FAM83G: variants seen among roughly 807,000 people sequenced by gnomAD.
FAM83G encodes the protein protein FAM83G.
FAM83G carries 38 observed loss-of-function variants against 61.5 expected under a neutral mutation model. That is an observed-to-expected ratio of 0.62 (90% CI 0.48 to 0.81). The LOEUF (loss-of-function observed/expected upper bound fraction) is 0.81. FAM83G is among the 30% of genes least tolerant of loss of function. The pLI is 0.00. For missense variants in FAM83G, 989 were observed against 1,133.6 expected (o/e 0.87, Z 1.83); for synonymous variants, 470 against 476.1 (o/e 0.99, Z 0.17).
chr17:18,998,488 C>A (rs757594569), intron 2 of FAM83G, among the ~76,000 whole-genome samples: 4 of 152,210 alleles, frequency 2.6e-5, no homozygotes, highest in East Asian at 1.9e-4. Flanking sequence ...AGGCCCCAGC[C>A]GACTCTGAGC....
chr17:18,990,726 A>G (rs1336126047), intron 2 of FAM83G, among the ~76,000 whole-genome samples: 1 of 152,218 alleles, frequency 6.6e-6, no homozygotes, highest in Admixed American at 6.5e-5. Flanking sequence ...CATTGGGTTC[A>G]GTGCCTAGGG....
chr17:19,003,107 C>T lies in FAM83G; in HGVS notation c.522+413G>A, dbSNP rs2043772732. Among the ~76,000 whole-genome samples the T allele has an allele frequency of 6.6e-6, 1 of 152,060 alleles. No homozygotes were observed. The highest frequency in any genetic ancestry group is 2.4e-5 in the African/African-American group (1 of 41,408). Reference sequence around the variant, plus strand: ...GGACCATGCCTATTCCCTCACCCCACAACAAAAGCTCTCCCCACCAGAGAG... The same window carrying T: ...GGACCATGCCTATTCCCTCACCCCATAACAAAAGCTCTCCCCACCAGAGAG... On this transcript the variant is annotated intron_variant, in intron 2 of 5. Coordinates refer to ENST00000388995, the MANE Select transcript of FAM83G (RefSeq NM_001039999.3). The surrounding 1 kb of genome is among the most constrained non-coding windows in gnomAD (Gnocchi z 4.5).
At position 18,972,493 on chromosome 17, in the gene FAM83G, G is replaced by A. The variant is rs191618591; in HGVS notation, c.2083-745C>T. The stretch of plus-strand genomic sequence containing the variant: ...GTGGAGTGACTTTTCCGTGGTTCCC[G>A]ACTCTGCTCTTCCTCTCCCAAGCAG... On this transcript the variant is annotated intron_variant, in intron 5 of 5. Coordinates refer to ENST00000388995, the MANE Select transcript of FAM83G (RefSeq NM_001039999.3). 3.2e-3 allele frequency among the ~76,000 whole-genome samples: 480 copies of A among 152,260 alleles called. 3 individuals are homozygous for A. Among genetic ancestry groups the A allele is most frequent in the Non-Finnish European group, 5.4e-3 (370 of 68,008 alleles).
chr17:18,991,695 AC>A (rs1390722773), intron 2 of FAM83G, among the ~76,000 whole-genome samples: 1 of 152,086 alleles, frequency 6.6e-6, no homozygotes, highest in Non-Finnish European at 1.5e-5. Context: ...TGTGTCCTGC[AC>A]CCCAGGTACC....
At chr17:18,992,518 G>A (rs886684584) in intron 2 of FAM83G, among the ~76,000 whole-genome samples, 1 of 152,240 alleles carries the variant, frequency 6.6e-6, no homozygotes, top group Non-Finnish European at 1.5e-5. Context: ...CTGGCTGCTG[G>A]CGTTGGGGGT....
chr17:18,982,946 T>C (rs1045220244), intron 3 of FAM83G, among the ~76,000 whole-genome samples: 3 of 152,250 alleles, frequency 2.0e-5, no homozygotes, highest in East Asian at 3.8e-4. Context: ...GAGGACTGAA[T>C]AGAGCCACAG....
intron 5 of FAM83G, chr17:18,976,187 C>CAAAAAAAAAAAAAAT (rs58133737): frequency 9.2e-6 from 1 of 108,466 alleles, no homozygotes; most frequent in African/African-American, 3.5e-5. Flanking sequence ...GACTCCGACT[C>CAAAAAAAAAAAAAAT]AAAAAAAAAG....
At chr17:18,984,803 G>T (rs1182378937) in intron 3 of FAM83G, among the ~76,000 whole-genome samples, 2 of 152,246 alleles carry the variant, frequency 1.3e-5, no homozygotes, top group Non-Finnish European at 2.9e-5. Context: ...GAGGGTGTCA[G>T]TGAAAGTTCT....
chr17:18,996,220 A>G lies in FAM83G; in HGVS notation c.522+7300T>C, dbSNP rs543417735. Among the ~76,000 whole-genome samples, 1 of 151,612 alleles carries G rather than the reference A, an allele frequency of 6.6e-6. No individual in the cohort carries two copies. Among genetic ancestry groups the G allele is most frequent in the East Asian group, 1.9e-4 (1 of 5,192 alleles). Reference sequence around the variant, plus strand: ...AGGCAAACTAAAGACTTTTTCAAATATAAAAAAGCTGAGAGAATTCATTAC... The same window carrying G: ...AGGCAAACTAAAGACTTTTTCAAATGTAAAAAAGCTGAGAGAATTCATTAC... On this transcript the variant is annotated intron_variant, in intron 2 of 5. Transcript: ENST00000388995. The surrounding 1 kb of genome is among the most constrained non-coding windows in gnomAD (Gnocchi z 4.4).
chr17:18,971,745 G>A lies in FAM83G; in HGVS notation c.2086C>T (p.Gln696Ter), dbSNP rs1002890194. The A allele has an allele frequency of 6.4e-7, 1 of 1,559,784 alleles. No homozygotes were observed. Among genetic ancestry groups the A allele is most frequent in the Non-Finnish European group, 8.7e-7 (1 of 1,151,020 alleles). ...QRSTDKEAQG[Q>*]QFHHHRVPAS... ...GGGACCCTGTGATGATGAAACTGCT[G>A]GCCCTGGGAGAGAGAGAGCAGAGAG... Residue 696 changes from glutamine (Q) to a stop codon, truncating the protein, a stop_gained, in exon 6 of 6, where the codon CAG becomes TAG. Coordinates refer to ENST00000388995, the MANE Select transcript of FAM83G (RefSeq NM_001039999.3). LOFTEE classifies it high-confidence loss of function. The surrounding 1 kb of genome is among the most constrained non-coding windows in gnomAD (Gnocchi z 5.5).
At chr17:18,993,162 C>T (rs149509083) in intron 2 of FAM83G, among the ~76,000 whole-genome samples, 20 of 152,312 alleles carry the variant, frequency 1.3e-4, no homozygotes, top group South Asian at 2.1e-4. Context: ...CCTAAACCAA[C>T]GCATCCTGAC....
chr17:19,005,316 C>A (rs2043854127), upstream of FAM83G, among the ~76,000 whole-genome samples: 1 of 152,222 alleles, frequency 6.6e-6, no homozygotes, highest in South Asian at 2.1e-4. Context: ...CCGACCTGAA[C>A]CCTAGGGCAG....
At chr17:19,001,620 T>C (rs1460459791) in intron 2 of FAM83G, among the ~76,000 whole-genome samples, 2 of 152,170 alleles carry the variant, frequency 1.3e-5, no homozygotes, top group African/African-American at 2.4e-5. Flanking sequence ...GAAGGCAATG[T>C]CACCTTAGGT....
At position 19,000,205 on chromosome 17, in the gene FAM83G, T is replaced by C. The variant is rs780221111; in HGVS notation, c.522+3315A>G. Among the ~76,000 whole-genome samples, 12 of 151,462 alleles carry C rather than the reference T, an allele frequency of 7.9e-5. No homozygotes were observed. Among genetic ancestry groups the C allele is most frequent in the Non-Finnish European group, 1.8e-4 (12 of 67,806 alleles). On this transcript the variant is annotated intron_variant, in intron 2 of 5. Transcript: ENST00000388995. This position sits in a 1 kb window ranked among gnomAD's most constrained non-coding sequence, Gnocchi z 5.2. ...AGGCAGTTGACCTTCCATCTTGGAG[T>C]AGGAGCCCACTAGGGCTGGAGGGAG...
chr17:18,971,192 G>T lies in FAM83G; in HGVS notation c.*167C>A. 3.1e-6 allele frequency: 5 copies of T among 1,613,964 alleles called. No homozygotes were observed. The highest frequency in any genetic ancestry group is 1.1e-5 in the South Asian group (1 of 91,086). On this transcript the variant is annotated 3_prime_UTR_variant, in exon 6 of 6. Coordinates refer to ENST00000388995, the MANE Select transcript of FAM83G (RefSeq NM_001039999.3). This position sits in a 1 kb window ranked among gnomAD's most constrained non-coding sequence, Gnocchi z 5.5. Reference sequence around the variant, plus strand: ...GATGACCTTTGGCCTGACCATCATGGCCACCTGGTACTGGTGCACCGACCA... The same window carrying T: ...GATGACCTTTGGCCTGACCATCATGTCCACCTGGTACTGGTGCACCGACCA...
rs141074914 is a variant in FAM83G at position 19,001,512 on chromosome 17, G to A, written c.522+2008C>T. Among the ~76,000 whole-genome samples, 252 of 152,310 alleles carry A rather than the reference G, an allele frequency of 1.7e-3. 1 individual carries two copies. The highest frequency in any genetic ancestry group is 5.8e-3 in the African/African-American group (241 of 41,572). On this transcript the variant is annotated intron_variant, in intron 2 of 5. Coordinates refer to ENST00000388995, the MANE Select transcript of FAM83G (RefSeq NM_001039999.3). ...AGGCTGGAGGACATCACTCACTATGGGGCCATGTAGACAGACTGGCACCCA... is the reference window on the plus strand; with the variant it reads ...AGGCTGGAGGACATCACTCACTATGAGGCCATGTAGACAGACTGGCACCCA...
chr17:18,987,670 C>T (rs1299275260), intron 3 of FAM83G, among the ~76,000 whole-genome samples: 5 of 152,336 alleles, frequency 3.3e-5, no homozygotes, highest in Middle Eastern at 3.4e-3. Flanking sequence ...TCCATGGTTT[C>T]CCCCACCCCA....
intron 2 of FAM83G, among the ~76,000 whole-genome samples, chr17:19,002,665 C>T (rs1054689272): frequency 4.6e-5 from 7 of 152,234 alleles, no homozygotes; most frequent in African/African-American, 1.2e-4. Flanking sequence ...AAGGTACTTA[C>T]GTGCAGCAGG....
intron 5 of FAM83G, among the ~76,000 whole-genome samples, chr17:18,975,325 G>A (rs1017460663): frequency 1.3e-5 from 2 of 152,178 alleles, no homozygotes; most frequent in Non-Finnish European, 2.9e-5. Flanking sequence ...TAATGTTTCC[G>A]TGACATCCAC....
Sources: allele counts gnomAD v4.1 joint callset (sites outside exome capture counted in the v4.1 genomes callset), GRCh38; gene constraint gnomAD v4.1.1; non-coding constraint Gnocchi (gnomAD v3.1); transcripts MANE v1.5; gene names NCBI Gene and HGNC (gene_info 2026-07-23, HGNC 2026-07-21).